MYT1L: variants seen among roughly 807,000 people sequenced by gnomAD.
MYT1L encodes myelin transcription factor 1-like protein.
MYT1L carries 12 observed loss-of-function variants against 126.7 expected under a neutral mutation model. The ratio of observed to expected loss-of-function variants is 0.09; its 90% CI spans 0.06 to 0.15. The LOEUF is 0.15. Ranked by LOEUF, MYT1L falls within the 10% of genes least tolerant of loss-of-function variation. The pLI, the probability that MYT1L is intolerant of heterozygous loss-of-function variation, is 1.00. For synonymous variants in MYT1L, 541 were observed against 604.2 expected (o/e 0.90, Z 1.53); for missense variants, 979 against 1,585.2 (o/e 0.62, Z 6.49).
Position 2,087,818 on chromosome 2 carries a change from C to T in MYT1L, c.-303-33695G>A, listed in dbSNP as rs191799524. On this transcript the variant is annotated intron_variant, in intron 3 of 24. Transcript: ENST00000647738. ...AAACAAAAGACCATGACATTCAAAA[C>T]TAATCTATAATGGCTTTTAAGCACA... 1.4e-4 allele frequency among the ~76,000 whole-genome samples: 21 copies of T among 152,316 alleles called. No homozygotes were observed. In the East Asian group the frequency reaches 4.1e-3, roughly 29 times the overall value.
At chr2:1,941,374 A>G (rs926159814) in intron 9 of MYT1L, among the ~76,000 whole-genome samples, 2 of 152,214 alleles carry the variant, frequency 1.3e-5, no homozygotes, top group African/African-American at 4.8e-5. Context: ...TGGGCAAGTT[A>G]CAAATCATTA....
chr2:2,327,256 A>G (rs559487909), intron 1 of MYT1L: 2 of 152,268 alleles, frequency 1.3e-5, no homozygotes, highest in Non-Finnish European at 2.9e-5. Context: ...ACACACAAAC[A>G]CAAACCTACA....
chr2:2,237,737 G>C (rs926865840), intron 2 of MYT1L, among the ~76,000 whole-genome samples: 2 of 152,132 alleles, frequency 1.3e-5, no homozygotes, highest in Non-Finnish European at 2.9e-5. Flanking sequence ...CCTCCAAAGA[G>C]GGGGCCAGGC....
chr2:1,985,341 A>G (rs562773801), intron 5 of MYT1L, among the ~76,000 whole-genome samples: 1 of 152,320 alleles, frequency 6.6e-6, no homozygotes, highest in South Asian at 2.1e-4. Context: ...AGAAACTGGA[A>G]GTCCTGGCAG....
intron 10 of MYT1L, among the ~76,000 whole-genome samples, chr2:1,921,246 G>A (rs73188423): frequency 0.052 from 7,954 of 152,220 alleles, 520 homozygotes; most frequent in African/African-American, 0.16. Flanking sequence ...TTAATGAACT[G>A]CCAATTTCAT....
chr2:2,156,267 T>C (rs2086713223), intron 3 of MYT1L, among the ~76,000 whole-genome samples: 1 of 152,196 alleles, frequency 6.6e-6, no homozygotes, highest in South Asian at 2.1e-4. Context: ...AACCTATTGA[T>C]ATTCCAGTGA....
chr2:2,223,858 G>A (rs1471501947), intron 2 of MYT1L, among the ~76,000 whole-genome samples: 1 of 152,126 alleles, frequency 6.6e-6, no homozygotes, highest in Non-Finnish European at 1.5e-5. Flanking sequence ...AAACACAGGA[G>A]GCTTTCCTGT....
intron 8 of MYT1L, among the ~76,000 whole-genome samples, chr2:1,954,382 G>A (rs2058150080): frequency 1.3e-5 from 2 of 152,138 alleles, no homozygotes; most frequent in South Asian, 4.2e-4. Context: ...GGATATTGCC[G>A]AAAACAAACA....
chr2:1,961,303 C>T (rs1415269086), intron 8 of MYT1L, among the ~76,000 whole-genome samples: 1 of 152,132 alleles, frequency 6.6e-6, no homozygotes, highest in African/African-American at 2.4e-5. Flanking sequence ...GCCCCTCAAT[C>T]TATAAAATTA....
Position 1,852,518 on chromosome 2 carries a change from C to A in MYT1L, c.2712-815G>T, listed in dbSNP as rs1558760680. ...AAAAAGAGCTTTATAATTATATTGC[C>A]CTCCATATAACTTCTTAACTATGCT... On this transcript the variant is annotated intron_variant, in intron 18 of 24. Transcript: ENST00000647738. The surrounding 1 kb of genome is among the most constrained non-coding windows in gnomAD (Gnocchi z 4.0). Among the ~76,000 whole-genome samples the A allele has an allele frequency of 6.6e-6, 1 of 151,818 alleles. No individual in the cohort carries two copies. The highest frequency in any genetic ancestry group is 2.4e-5 in the African/African-American group (1 of 41,294).
intron 4 of MYT1L, among the ~76,000 whole-genome samples, chr2:2,020,698 A>C (rs927438853): frequency 1.3e-5 from 2 of 152,162 alleles, no homozygotes; most frequent in African/African-American, 2.4e-5. Context: ...CTAAGTTTTA[A>C]ACTTTGATCT....
chr2:2,265,260 G>A (rs984330198), intron 2 of MYT1L, among the ~76,000 whole-genome samples: 7 of 151,730 alleles, frequency 4.6e-5, no homozygotes, highest in Non-Finnish European at 8.8e-5. Flanking sequence ...CACCCGCCTC[G>A]GTCTCCCAAA....
At chr2:2,068,870 A>G (rs953109612) in intron 3 of MYT1L, among the ~76,000 whole-genome samples, 1 of 135,088 alleles carries the variant, frequency 7.4e-6, no homozygotes, top group African/African-American at 2.8e-5. Flanking sequence ...CTTAGCTATT[A>G]TTACCCTTCC....
At chr2:2,306,483 T>G (rs777540183) in intron 1 of MYT1L, among the ~76,000 whole-genome samples, 4 of 152,168 alleles carry the variant, frequency 2.6e-5, no homozygotes, top group African/African-American at 4.8e-5. Context: ...ACAGTAAGTC[T>G]CCCAGAAACG....
chr2:2,015,836 A>G (rs1014689788), intron 4 of MYT1L, among the ~76,000 whole-genome samples: 3 of 152,152 alleles, frequency 2.0e-5, no homozygotes, highest in Non-Finnish European at 2.9e-5. Flanking sequence ...CCCTTTGTCT[A>G]TCTTGCAGAT....
chr2:2,248,922 G>A (rs2094584224), intron 2 of MYT1L, among the ~76,000 whole-genome samples: 1 of 151,976 alleles, frequency 6.6e-6, no homozygotes, highest in Non-Finnish European at 1.5e-5. Flanking sequence ...ATCATACTGA[G>A]TGAAAAGCCA....
chr2:1,998,137 G>A (rs1046933142), intron 4 of MYT1L, among the ~76,000 whole-genome samples: 17 of 152,156 alleles, frequency 1.1e-4, no homozygotes, highest in Non-Finnish European at 2.4e-4. Flanking sequence ...CTAGGTCCTC[G>A]GGGAGCCTTG....
chr2:2,252,654 C>T (rs1297519565), intron 2 of MYT1L, among the ~76,000 whole-genome samples: 1 of 152,186 alleles, frequency 6.6e-6, no homozygotes, highest in Non-Finnish European at 1.5e-5. Context: ...GGGAAGACAG[C>T]AGCAGGGAGG....
intron 2 of MYT1L, among the ~76,000 whole-genome samples, chr2:2,251,678 C>T (rs2094653812): frequency 6.6e-6 from 1 of 152,154 alleles, no homozygotes; most frequent in African/African-American, 2.4e-5. Context: ...TACTAGTTGA[C>T]AGTTGATGCA....
Sources: gnomAD v4.1 joint callset for allele counts (sites outside exome capture counted in the v4.1 genomes callset) on GRCh38, gnomAD v4.1.1 for gene constraint, Gnocchi (gnomAD v3.1) non-coding constraint, MANE v1.5 for transcripts, NCBI Gene and HGNC (gene_info 2026-07-23, HGNC 2026-07-21) for gene names.